The following OSMR variants were observed in gnomAD, a reference collection of about 807,000 sequenced individuals.
OSMR encodes the protein oncostatin-M-specific receptor subunit beta.
Under a neutral mutation model 99.9 loss-of-function variants are expected in OSMR, and 81 were observed. The ratio of observed to expected loss-of-function variants is 0.81; its 90% CI spans 0.68 to 0.97. OSMR has a LOEUF of 0.97. Ranked by LOEUF, OSMR falls within the 50% of genes least tolerant of loss-of-function variation. The pLI, the probability that OSMR is intolerant of heterozygous loss-of-function variation, is 0.00. For synonymous variants in OSMR, 406 were observed against 410.4 expected, an observed-to-expected ratio of 0.99 and a Z score of 0.13; for missense variants, 1,099 against 1,153.4, an observed-to-expected ratio of 0.95 and a Z score of 0.68.
At chr5:38,939,886 G>A (rs1747349313), downstream of OSMR, 1 of 223,174 alleles carries the variant, frequency 4.5e-6, no homozygotes, top group African/African-American at 2.4e-5. Context: ...AAACACTTAA[G>A]TTAATCACTT....
chr5:38,863,218 A>AGGGGGG (rs1579646618), intron 1 of OSMR, among the ~76,000 whole-genome samples: 58 of 13,608 alleles, frequency 4.3e-3, no homozygotes, highest in Non-Finnish European at 6.6e-3. Context: ...GGGGAGGGGG[A>AGGGGGG]GGGGGAGAGA....
chr5:38,887,233 G>A (rs941002202), intron 7 of OSMR, among the ~76,000 whole-genome samples: 3 of 151,978 alleles, frequency 2.0e-5, no homozygotes, highest in African/African-American at 4.8e-5. Context: ...ATTAACAAAA[G>A]TTTATCATTT....
chr5:38,900,261 G>A (rs1347663963), intron 7 of OSMR, among the ~76,000 whole-genome samples: 1 of 152,142 alleles, frequency 6.6e-6, no homozygotes, highest in African/African-American at 2.4e-5. Context: ...GTGCACAGAG[G>A]TTCTGTCCAT....
chr5:38,860,952 C>T (rs971677678), intron 1 of OSMR, among the ~76,000 whole-genome samples: 3 of 152,086 alleles, frequency 2.0e-5, no homozygotes, highest in Non-Finnish European at 4.4e-5. Context: ...GGATTACAGG[C>T]GTGATTAGGA....
chr5:38,876,534 C>G (rs941776083), intron 3 of OSMR, among the ~76,000 whole-genome samples, 161 bp downstream of exon 3: 5 of 152,202 alleles, frequency 3.3e-5, no homozygotes, highest in African/African-American at 9.6e-5. Context: ...GTTAATGATC[C>G]AGGACAAAGT....
chr5:38,919,873 T>G (rs528301229), intron 11 of OSMR, among the ~76,000 whole-genome samples: 98 of 152,330 alleles, frequency 6.4e-4, no homozygotes, highest in Non-Finnish European at 1.2e-3. Context: ...TGTTTTATTT[T>G]TATGTTTTTA....
intron 15 of OSMR, among the ~76,000 whole-genome samples, chr5:38,926,937 C>T (rs1746499857): frequency 6.6e-6 from 1 of 152,192 alleles, no homozygotes; most frequent in African/African-American, 2.4e-5. Flanking sequence ...GCATTGGGTA[C>T]ATACACCCAT....
chr5:38,866,636 T>C (rs1741972925), intron 1 of OSMR, among the ~76,000 whole-genome samples: 1 of 151,264 alleles, frequency 6.6e-6, no homozygotes, highest in Non-Finnish European at 1.5e-5. Flanking sequence ...GCTGCAGGAA[T>C]GTGGAGAGCA....
rs531696257 is a variant in OSMR, at chr5:38,921,559, TAAAAC to T, written c.1586-53_1586-49del. On this transcript the variant is annotated intron_variant, in intron 11 of 17. Coordinates refer to ENST00000274276, the MANE Select transcript of OSMR (RefSeq NM_003999.3). ...GTATTTACTTTCTACCTTACACACT[TAAAAC>T]AATTTACAGTTAATTAAATCTGGAG... The T allele has an allele frequency of 7.1e-5, 114 of 1,612,482 alleles. 1 individual carries two copies. The African/African-American group carries it at 1.4e-3, about 20-fold the overall frequency.
At chr5:38,935,837 A>ACTT (rs140140911), downstream of OSMR, among the ~76,000 whole-genome samples, 2,274 of 152,270 alleles carry the variant, frequency 0.015, 44 homozygotes, top group African/African-American at 0.052. Context: ...TACACACTAA[A>ACTT]CTTTGAGAAT....
Position 38,935,612 on chromosome 5 carries a change from A to G in OSMR, c.*2168A>G, listed in dbSNP as rs898981473. 7.9e-5 allele frequency: 12 copies of G among 152,224 alleles called. No homozygotes were observed. The highest frequency in any genetic ancestry group is 2.9e-4 in the African/African-American group (12 of 41,464). The allele number at this position is 152,224 out of a possible 1,614,324, so 9.4% of individuals were successfully genotyped here. ...TCTTGAAGTCATTTTTGCTATTGAA[A>G]TAAACCTTAATTAAAATATTTCATC... is the stretch of plus-strand genomic sequence containing the variant. On this transcript the variant is annotated 3_prime_UTR_variant, in exon 18 of 18. Coordinates refer to ENST00000274276, the MANE Select transcript of OSMR (RefSeq NM_003999.3).
intron 1 of OSMR, among the ~76,000 whole-genome samples, chr5:38,852,293 C>A (rs1431462084): frequency 6.6e-6 from 1 of 152,150 alleles, no homozygotes; most frequent in African/African-American, 2.4e-5. Context: ...CTCTGTCTAT[C>A]ATCTGTAGGG....
chr5:38,926,245 A>G (rs568906698), intron 15 of OSMR, among the ~76,000 whole-genome samples: 1 of 152,328 alleles, frequency 6.6e-6, no homozygotes, highest in Admixed American at 6.5e-5. Context: ...GCCCTCACTG[A>G]AGCTGCAGCT....
chr5:38,941,843 T>A (rs754645404), intron 1 of OSMR: 1 of 233,464 alleles, frequency 4.3e-6, no homozygotes. Flanking sequence ...ATTGTGGTAA[T>A]AGGATGCAGC....
chr5:38,940,583 TGA>T (rs1747456484), downstream of OSMR: 1 of 232,564 alleles, frequency 4.3e-6, no homozygotes, highest in Non-Finnish European at 8.5e-6. Flanking sequence ...CTGGATTTTA[TGA>T]GAGAAAATCT....
At chr5:38,895,152 A>T (rs867660700) in intron 7 of OSMR, among the ~76,000 whole-genome samples, 8 of 152,246 alleles carry the variant, frequency 5.3e-5, no homozygotes, top group Middle Eastern at 3.4e-3. Context: ...AGTTAGAAAG[A>T]TCTCAAATTA....
chr5:38,942,327 C>A, intron 1 of OSMR: 12 of 1,598,434 alleles, frequency 7.5e-6, no homozygotes, highest in Non-Finnish European at 1.0e-5. Flanking sequence ...GATGTATCAA[C>A]TATAGGTTGC....
chr5:38,876,278 C>T lies in OSMR; in HGVS notation c.151C>T (p.Gln51Ter). Residue 51 changes from glutamine (Q) to a stop codon, truncating the protein, a stop_gained, in exon 3 of 18, where the codon CAA becomes TAA. Coordinates refer to ENST00000274276, the MANE Select transcript of OSMR (RefSeq NM_003999.3). LOFTEE classifies it high-confidence loss of function. ...TNSTRQSLHL[Q>*]WTVHNLPYHQ... ...TTCTACGCGTCAGAGTTTGCACTTA[C>T]AATGGACTGTCCACAACCTTCCTTA... The T allele has an allele frequency of 6.2e-7, 1 of 1,613,486 alleles. No homozygotes were observed. Among genetic ancestry groups the T allele is most frequent in the South Asian group, 1.1e-5 (1 of 91,052 alleles).
intron 7 of OSMR, among the ~76,000 whole-genome samples, chr5:38,901,733 A>G (rs1744905389): frequency 1.3e-5 from 2 of 152,344 alleles, no homozygotes; most frequent in Non-Finnish European, 2.9e-5. Flanking sequence ...TTATTGAGCT[A>G]GCAGGCTTTA....
Sources: allele counts gnomAD v4.1 joint callset (sites outside exome capture counted in the v4.1 genomes callset), GRCh38; gene constraint gnomAD v4.1.1; transcripts MANE v1.5; gene names NCBI Gene and HGNC (gene_info 2026-07-23, HGNC 2026-07-21).